The following CA10 variants were observed in gnomAD, a reference collection of about 807,000 sequenced individuals.
The protein encoded by CA10 is carbonic anhydrase 10 (inactive).
In CA10, 14 loss-of-function variants were observed where a neutral mutation model predicts 44.2. The observed-to-expected ratio is 0.32, with a 90% CI of 0.21 to 0.50. CA10 has a LOEUF of 0.50. CA10 is among the 20% of genes least tolerant of loss of function. The probability of loss-of-function intolerance (pLI) is 0.99; values close to 1 mark genes in which losing one functional copy is unlikely to be tolerated. For missense variants in CA10, 350 were observed against 409.7 expected, an observed-to-expected ratio of 0.85 and a Z score of 1.26; for synonymous variants, 159 against 141.6, an observed-to-expected ratio of 1.12 and a Z score of -0.87.
intron 3 of CA10, among the ~76,000 whole-genome samples, chr17:51,809,403 C>T (rs1907268910): frequency 6.6e-6 from 1 of 152,278 alleles, no homozygotes; most frequent in Non-Finnish European, 1.5e-5. Flanking sequence ...AAAAGTATAG[C>T]CCTTTATCTC....
chr17:51,891,926 C>T (rs1980875158), intron 3 of CA10, among the ~76,000 whole-genome samples: 1 of 152,188 alleles, frequency 6.6e-6, no homozygotes, highest in East Asian at 1.9e-4. Context: ...TCATGCCATC[C>T]CTACCTACAT....
At chr17:51,691,062 T>C (rs1915176992) in intron 4 of CA10, among the ~76,000 whole-genome samples, 1 of 152,230 alleles carries the variant, frequency 6.6e-6, no homozygotes. Flanking sequence ...CATTTCAATA[T>C]ACTGATTCCA....
intron 1 of CA10, among the ~76,000 whole-genome samples, chr17:52,072,973 A>C (rs1987725406): frequency 6.6e-6 from 1 of 152,158 alleles, no homozygotes; most frequent in African/African-American, 2.4e-5. Context: ...TATCGTGGAG[A>C]TCTGTAAGCT....
At chr17:51,799,512 G>A (rs1906845141) in intron 3 of CA10, among the ~76,000 whole-genome samples, 1 of 152,122 alleles carries the variant, frequency 6.6e-6, no homozygotes, top group Non-Finnish European at 1.5e-5. Flanking sequence ...AGACTCCCCT[G>A]GGTACAATAT....
At chr17:52,108,425 G>A (rs1391857792) in intron 1 of CA10, among the ~76,000 whole-genome samples, 3 of 151,418 alleles carry the variant, frequency 2.0e-5, no homozygotes, top group Non-Finnish European at 2.9e-5. Context: ...TGGGCCAGGC[G>A]CAGTGGCTCA....
chr17:51,716,760 T>G (rs1567814758), intron 4 of CA10, among the ~76,000 whole-genome samples: 1 of 152,354 alleles, frequency 6.6e-6, no homozygotes, highest in East Asian at 1.9e-4. Context: ...GAATTAGGTA[T>G]AAAATCCTTT....
chr17:52,151,083 A>C (rs1989692956), intron 1 of CA10, among the ~76,000 whole-genome samples: 1 of 152,130 alleles, frequency 6.6e-6, no homozygotes, highest in African/African-American at 2.4e-5. Flanking sequence ...TTCTTATTAC[A>C]ATCAAAGTAA....
intron 3 of CA10, among the ~76,000 whole-genome samples, chr17:51,848,280 A>G (rs1598079216): frequency 6.6e-6 from 1 of 152,302 alleles, no homozygotes; most frequent in East Asian, 1.9e-4. Context: ...TTAAAATGCT[A>G]TTTATCTTGA....
At chr17:52,019,648 T>A (rs1325559887) in intron 2 of CA10, among the ~76,000 whole-genome samples, 1 of 152,090 alleles carries the variant, frequency 6.6e-6, no homozygotes, top group Non-Finnish European at 1.5e-5. Flanking sequence ...TTCTACAAAG[T>A]AAATACATCT....
At chr17:51,982,640 TTC>T (rs1186676935) in intron 2 of CA10, among the ~76,000 whole-genome samples, 1 of 151,942 alleles carries the variant, frequency 6.6e-6, no homozygotes, top group Non-Finnish European at 1.5e-5. Flanking sequence ...TTGGAATGTT[TTC>T]TCTCTCTTTT....
chr17:51,918,615 A>G (rs1982100140), intron 3 of CA10, among the ~76,000 whole-genome samples: 1 of 152,212 alleles, frequency 6.6e-6, no homozygotes, highest in African/African-American at 2.4e-5. Context: ...CTAACATCCT[A>G]TCAAGTGTTA....
At chr17:52,059,369 C>G (rs1450217123) in intron 2 of CA10, among the ~76,000 whole-genome samples, 1 of 152,108 alleles carries the variant, frequency 6.6e-6, no homozygotes. Flanking sequence ...TGCTAAGTGA[C>G]TTGCCTAAGA....
chr17:51,948,339 T>C (rs1219613376), intron 2 of CA10, among the ~76,000 whole-genome samples: 1 of 152,176 alleles, frequency 6.6e-6, no homozygotes, highest in African/African-American at 2.4e-5. Context: ...CCTGTTCCGG[T>C]TGGCATTATT....
intron 3 of CA10, among the ~76,000 whole-genome samples, chr17:51,771,976 G>T (rs9915707): frequency 5.3e-5 from 8 of 151,992 alleles, no homozygotes; most frequent in Non-Finnish European, 1.0e-4. Context: ...CCTCATCTGT[G>T]GCCACGTGCT....
chr17:51,887,461 C>T (rs1355566155), intron 3 of CA10, among the ~76,000 whole-genome samples: 2 of 152,168 alleles, frequency 1.3e-5, no homozygotes, highest in African/African-American at 2.4e-5. Flanking sequence ...CAACCCAGAA[C>T]TAAATGTAGG....
chr17:52,093,486 C>T (rs1988322738), intron 1 of CA10, among the ~76,000 whole-genome samples: 1 of 152,172 alleles, frequency 6.6e-6, no homozygotes, highest in Admixed American at 6.5e-5. Context: ...AACTCTTCCT[C>T]TCTAAATGTT....
chr17:51,905,515 C>T (rs1981508751), intron 3 of CA10, among the ~76,000 whole-genome samples: 1 of 146,260 alleles, frequency 6.8e-6, no homozygotes, highest in Non-Finnish European at 1.5e-5. Context: ...GGCCCATCAT[C>T]CCTATCAGTC....
intron 1 of CA10, among the ~76,000 whole-genome samples, chr17:52,103,908 T>C (rs182803640): frequency 4.7e-4 from 72 of 152,284 alleles, no homozygotes; most frequent in African/African-American, 1.7e-3. Context: ...GGCAGACTGA[T>C]ATAGTGAAGC....
intron 3 of CA10, among the ~76,000 whole-genome samples, chr17:51,847,169 C>T (rs551510166): frequency 2.0e-5 from 3 of 152,172 alleles, no homozygotes; most frequent in Non-Finnish European, 4.4e-5. Flanking sequence ...ACTGCATCAG[C>T]CCTCTTTCCT....
Sources: allele counts gnomAD v4.1 joint callset (sites outside exome capture counted in the v4.1 genomes callset), GRCh38; gene constraint gnomAD v4.1.1; transcripts MANE v1.5; gene names NCBI Gene and HGNC (gene_info 2026-07-23, HGNC 2026-07-21).